The following EYA1 variants were observed in gnomAD, a reference collection of about 807,000 sequenced individuals.
The protein encoded by EYA1 is protein phosphatase EYA1.
A neutral mutation model predicts 82.0 loss-of-function variants in EYA1; 16 were observed. That is an observed-to-expected ratio of 0.20 (90% CI 0.13 to 0.30). The LOEUF (loss-of-function observed/expected upper bound fraction) is 0.30, where lower values mean the gene tolerates loss of function less well. Among genes scored for constraint, EYA1 ranks in the 10% least tolerant of loss-of-function variants. EYA1 has a pLI of 1.00. For synonymous variants in EYA1, 261 were observed against 264.4 expected, an observed-to-expected ratio of 0.99 and a Z score of 0.12; for missense variants, 633 against 730.7, an observed-to-expected ratio of 0.87 and a Z score of 1.54.
chr8:71,250,142 A>G (rs1813574717), intron 11 of EYA1, among the ~76,000 whole-genome samples: 1 of 150,804 alleles, frequency 6.6e-6, no homozygotes. Context: ...CCAGCCTCTC[A>G]TCTCTTTCAA....
chr8:71,269,621 GTTC>G, intron 11 of EYA1, 116 bp downstream of exon 11: 2 of 686,836 alleles, frequency 2.9e-6, no homozygotes, highest in East Asian at 2.8e-5. Context: ...TGACTATATA[GTTC>G]TTCTCCATTT....
intron 2 of EYA1, among the ~76,000 whole-genome samples, chr8:71,431,290 C>T (rs1805599878): frequency 6.6e-6 from 1 of 152,160 alleles, no homozygotes; most frequent in African/African-American, 2.4e-5. Context: ...GAGCATCTCT[C>T]TCACATGACC....
Position 71,542,178 on chromosome 8 carries a change from A to G in EYA1, c.-73+5686T>C, listed in dbSNP as rs116300088. On this transcript the variant is annotated intron_variant, in intron 1 of 18. Transcript: ENST00000643681. ...ATTTCATCACCTAGGTATTAAGCCT[A>G]GTACCCATCAGTCATTTTTCCTGAT... 8.3e-4 allele frequency among the ~76,000 whole-genome samples: 127 copies of G among 152,250 alleles called. 1 individual carries two copies. The highest frequency in any genetic ancestry group is 3.0e-3 in the African/African-American group (123 of 41,540).
intron 2 of EYA1, among the ~76,000 whole-genome samples, chr8:71,498,145 G>A (rs73293139): frequency 5.9e-5 from 9 of 152,298 alleles, no homozygotes; most frequent in African/African-American, 2.2e-4. Context: ...GATCAACACA[G>A]TGACTATAGC....
chr8:71,244,735 G>T, intron 11 of EYA1, 43 bp from the exon 12 acceptor site: 2 of 1,165,650 alleles, frequency 1.7e-6, no homozygotes, highest in Non-Finnish European at 2.6e-6. Flanking sequence ...TATACTTCAG[G>T]TTACATGAAA....
chr8:71,317,521 T>C lies in EYA1; in HGVS notation c.556+31A>G, dbSNP rs1257419288. 1.9e-6 allele frequency: 3 copies of C among 1,612,192 alleles called. No homozygotes were observed. The African/African-American group carries it at 4.0e-5, about 22-fold the overall frequency. On this transcript the variant is annotated intron_variant, in intron 7 of 17. Transcript: ENST00000340726. ...AGAAGTTAACTATCAACCTACAGGG[T>C]TAAGGAAAATAGCAATGTGTATATA... is the stretch of plus-strand genomic sequence containing the variant.
chr8:71,236,022 C>T (rs1034475837), intron 12 of EYA1, among the ~76,000 whole-genome samples: 3 of 151,830 alleles, frequency 2.0e-5, no homozygotes, highest in Non-Finnish European at 2.9e-5. Flanking sequence ...GTATGCCATA[C>T]GTGTTGAATA....
chr8:71,401,966 G>T (rs1250496515), intron 2 of EYA1, among the ~76,000 whole-genome samples: 15 of 152,128 alleles, frequency 9.9e-5, no homozygotes. Context: ...TGATATCTCT[G>T]ACCGTAAGAA....
chr8:71,452,858 G>A (rs1212197744), intron 2 of EYA1, among the ~76,000 whole-genome samples: 4 of 152,200 alleles, frequency 2.6e-5, no homozygotes, highest in African/African-American at 9.6e-5. Flanking sequence ...TAAATTCAGA[G>A]TGCCTCTCCC....
At chr8:71,370,470 A>G (rs2129088904) in intron 2 of EYA1, among the ~76,000 whole-genome samples, 1 of 151,384 alleles carries the variant, frequency 6.6e-6, no homozygotes, top group Admixed American at 6.6e-5. Flanking sequence ...ATAGAAGTGT[A>G]AATAAATGAA....
chr8:71,488,581 A>C (rs1810748170), intron 2 of EYA1, among the ~76,000 whole-genome samples: 1 of 152,184 alleles, frequency 6.6e-6, no homozygotes, highest in Non-Finnish European at 1.5e-5. Flanking sequence ...TCGGTTGGGA[A>C]TAAGGATGAG....
intron 2 of EYA1, among the ~76,000 whole-genome samples, chr8:71,468,039 A>G (rs1586776341): frequency 6.6e-6 from 1 of 152,134 alleles, no homozygotes; most frequent in African/African-American, 2.4e-5. Context: ...ATCCAAGGGC[A>G]CTGCAGAACT....
chr8:71,460,240 T>G (rs1437739279), intron 2 of EYA1, among the ~76,000 whole-genome samples: 3 of 152,222 alleles, frequency 2.0e-5, no homozygotes, highest in Middle Eastern at 3.2e-3. Context: ...TTCTCAGCAC[T>G]GGTATCCTGA....
chr8:71,525,336 G>A (rs946375515), intron 2 of EYA1, among the ~76,000 whole-genome samples: 3 of 152,148 alleles, frequency 2.0e-5, no homozygotes, highest in Non-Finnish European at 4.4e-5. Flanking sequence ...AAATATATGA[G>A]AATGTGAGTC....
At chr8:71,541,188 G>A (rs1013167956) in intron 1 of EYA1, among the ~76,000 whole-genome samples, 2 of 152,176 alleles carry the variant, frequency 1.3e-5, no homozygotes, top group African/African-American at 2.4e-5. Flanking sequence ...TTCAAACAGT[G>A]AAAAGGGGTA....
intron 2 of EYA1, among the ~76,000 whole-genome samples, chr8:71,528,575 A>G (rs1337055050): frequency 1.3e-5 from 2 of 152,156 alleles, no homozygotes; most frequent in Non-Finnish European, 2.9e-5. Context: ...AATTCCTTCC[A>G]GCATGGTCTG....
chr8:71,378,485 A>G, intron 2 of EYA1, among the ~76,000 whole-genome samples: 1 of 152,188 alleles, frequency 6.6e-6, no homozygotes, highest in East Asian at 1.9e-4. Context: ...TCAGTAATAA[A>G]AAACCAGTAA....
exon 1 of EYA1, chr8:71,547,869 T>TCA (rs1815792865): frequency 6.6e-6 from 1 of 151,302 alleles, no homozygotes; most frequent in African/African-American, 2.4e-5. Flanking sequence ...CTTACTTGTG[T>TCA]CACAACTGCG....
intron 2 of EYA1, among the ~76,000 whole-genome samples, chr8:71,384,080 T>G (rs549136520): frequency 6.6e-6 from 1 of 152,270 alleles, no homozygotes; most frequent in Admixed American, 6.5e-5. Context: ...TGTCTTTCCA[T>G]ATTCATAATC....
Sources: gnomAD v4.1 joint callset for allele counts (sites outside exome capture counted in the v4.1 genomes callset) on GRCh38, gnomAD v4.1.1 for gene constraint, MANE v1.5 for transcripts, NCBI Gene and HGNC (gene_info 2026-07-23, HGNC 2026-07-21) for gene names.